ARFRP1: variants seen among roughly 807,000 people sequenced by gnomAD.
ARFRP1 encodes the protein ARF related protein 1.
Under a neutral mutation model 30.3 loss-of-function variants are expected in ARFRP1, and 19 were observed. The observed-to-expected ratio is 0.63, with a 90% confidence interval of 0.44 to 0.92. The LOEUF is 0.92. Ranked by LOEUF, ARFRP1 falls within the 40% of genes least tolerant of loss-of-function variation. ARFRP1 has a pLI of 0.00. For synonymous variants in ARFRP1, 133 were observed against 114.2 expected (o/e 1.16, Z -1.05); for missense variants, 245 against 267.5 (o/e 0.92, Z 0.59).
intron 4 of ARFRP1, chr20:63,703,683 C>T (rs2091318382): frequency 6.6e-6 from 1 of 152,336 alleles, no homozygotes; most frequent in African/African-American, 2.4e-5. Flanking sequence ...AGAGAATCTC[C>T]ACGTGGCTCC....
At chr20:63,704,057 TGA>T (rs2091337235) in intron 4 of ARFRP1, 1 of 152,288 alleles carries the variant, frequency 6.6e-6, no homozygotes, top group Non-Finnish European at 1.5e-5. Context: ...CCAGCCAGCC[TGA>T]GAGACTAGTG....
chr20:63,706,294 C>T (rs926344492), intron 4 of ARFRP1, 63 bp downstream of exon 4: 15 of 1,475,790 alleles, frequency 1.0e-5, no homozygotes, highest in Non-Finnish European at 1.4e-5. Context: ...GCCCAAAGGG[C>T]ACTCTGGAAA....
chr20:63,706,155 C>T, intron 4 of ARFRP1: 1 of 548,916 alleles, frequency 1.8e-6, no homozygotes, highest in Non-Finnish European at 3.3e-6. Flanking sequence ...AACTCCCCTA[C>T]CACCACTTTT....
At position 63,706,698 on chromosome 20, in the gene ARFRP1, T is replaced by G. The variant is rs746051037; in HGVS notation, c.134A>C (p.Tyr45Ser). Residue 45 changes from tyrosine to serine, a missense_variant, in exon 3 of 8, where the codon TAC becomes TCC. Tyr to Ser is a moderately radical substitution (Grantham distance 144). Coordinates refer to ENST00000622789, the MANE Select transcript of ARFRP1 (RefSeq NM_001267547.3). ...GATTTTGGATAGACTCATCCCCTTG[T>G]AGTTCTTGTTAAATCGGGTTTTCGA... Reference protein sequence around the residue: ...EQSKTRFNKNYKGMSLSKITT... With the variant: ...EQSKTRFNKNSKGMSLSKITT... 6.2e-7 allele frequency: 1 copy of G among 1,614,022 alleles called. No individual in the cohort carries two copies. Among genetic ancestry groups the G allele is most frequent in the Non-Finnish European group, 8.5e-7 (1 of 1,179,906 alleles).
At position 63,700,544 on chromosome 20, in the gene ARFRP1, G is replaced by T; in HGVS notation, c.519-14C>A. The T allele has an allele frequency of 6.2e-7, 1 of 1,610,796 alleles. No individual in the cohort carries two copies. ...CGCACCCCTTTGCTGTGAAGACAGC[G>T]GGTGTGAGGCGGGGGGTCTCGGTCC... On this transcript the variant is annotated splice_polypyrimidine_tract_variant and intron_variant, in intron 7 of 7. Coordinates refer to ENST00000622789, the MANE Select transcript of ARFRP1 (RefSeq NM_001267547.3).
rs2091486676 is a variant in ARFRP1 at position 63,706,746 on chromosome 20, G to C, written c.94-8C>G. On this transcript the variant is annotated splice_polypyrimidine_tract_variant and splice_region_variant and intron_variant, in intron 2 of 7. Transcript: ENST00000622789. ...CGACTGCTCCAGGAAGGTCTGAGGA[G>C]AGAGGCAGAGGCGAAACACATCAAG... is the stretch of plus-strand genomic sequence containing the variant. 1.2e-6 allele frequency: 2 copies of C among 1,603,562 alleles called. No individual in the cohort carries two copies. Among genetic ancestry groups the C allele is most frequent in the Non-Finnish European group, 1.7e-6 (2 of 1,170,556 alleles).
intron 6 of ARFRP1, chr20:63,701,358 C>A (rs1347461562): frequency 3.7e-6 from 2 of 537,746 alleles, no homozygotes; most frequent in Admixed American, 3.9e-5. Flanking sequence ...TCAGCGTGGC[C>A]AGTGCTCCCG....
intron 5 of ARFRP1, 100 bp from the exon 6 acceptor site, chr20:63,702,000 C>CCA: frequency 3.3e-5 from 5 of 152,822 alleles, no homozygotes; most frequent in South Asian, 1.3e-4. Flanking sequence ...CTCCCTCTGC[C>CCA]CCCCCCCCCC....
chr20:63,703,863 GC>G (rs2091329921), intron 4 of ARFRP1: 1 of 152,438 alleles, frequency 6.6e-6, no homozygotes, highest in Non-Finnish European at 1.5e-5. Flanking sequence ...AGGACCCAGA[GC>G]CCCACGCCCC....
At chr20:63,703,102 C>G (rs2091290631) in intron 4 of ARFRP1, 1 of 152,324 alleles carries the variant, frequency 6.6e-6, no homozygotes, top group Non-Finnish European at 1.5e-5. Flanking sequence ...GACAACAGCT[C>G]ACATTTGCCA....
At chr20:63,706,152 C>G in intron 4 of ARFRP1, 1 of 543,242 alleles carries the variant, frequency 1.8e-6, no homozygotes, top group East Asian at 3.4e-5. Flanking sequence ...GGAAACTCCC[C>G]TACCACCACT....
At chr20:63,706,206 G>A (rs537135424) in intron 4 of ARFRP1, 151 bp downstream of exon 4, 9 of 733,900 alleles carry the variant, frequency 1.2e-5, no homozygotes, top group Non-Finnish European at 2.1e-5. Context: ...ACAAAACAGG[G>A]AGCCACTCGG....
chr20:63,700,596 A>T lies in ARFRP1; in HGVS notation c.518+6T>A. The stretch of plus-strand genomic sequence containing the variant: ...CAAAGCCCCCGCAGGTGCAGCCCCC[A>T]CTCACCCTGTGAGGGCCGAGCAGGC... On this transcript the variant is annotated splice_donor_region_variant and intron_variant, in intron 7 of 7. Transcript: ENST00000622789. 1 of 1,609,982 alleles carries T rather than the reference A, an allele frequency of 6.2e-7. No homozygotes were observed. Among genetic ancestry groups the T allele is most frequent in the Non-Finnish European group, 8.5e-7 (1 of 1,179,726 alleles).
At position 63,699,450 on chromosome 20, in the gene ARFRP1, C is replaced by G. The variant is rs1568739104; in HGVS notation, c.*993G>C. 1 of 152,584 alleles carries G rather than the reference C, an allele frequency of 6.6e-6. No individual in the cohort carries two copies. The highest frequency in any genetic ancestry group is 1.9e-4 in the East Asian group (1 of 5,222). The allele number at this position is 152,584 out of a possible 1,614,324, so 9.5% of individuals were successfully genotyped here. A position where few individuals can be genotyped will look rare whatever the true frequency, so the allele number is the denominator to read the frequency against. On this transcript the variant is annotated 3_prime_UTR_variant, in exon 8 of 8. Coordinates refer to ENST00000622789, the MANE Select transcript of ARFRP1 (RefSeq NM_001267547.3). ...CCAGCCCCTGAGCAGCCCAGTAACA[C>G]CATCACCGTGTCCAACAGCCAGGAG...
In ARFRP1 at chr20:63,698,697, G is replaced by A. The variant is rs1355808871; in HGVS notation, c.*1746C>T. On this transcript the variant is annotated 3_prime_UTR_variant, in exon 8 of 8. Transcript: ENST00000622789. ...CTTTTTCATAAAACTGGTTGTAGTTGCACAGCTACTGGGAGGGCAGCCGGG... is the reference window on the plus strand; with the variant it reads ...CTTTTTCATAAAACTGGTTGTAGTTACACAGCTACTGGGAGGGCAGCCGGG... 15 of 1,145,700 alleles carry A rather than the reference G, an allele frequency of 1.3e-5. No homozygotes were observed. The East Asian group carries it at 4.8e-4, about 37-fold the overall frequency. The allele number at this position is 1,145,700 out of a possible 1,614,324, so 71.0% of individuals were successfully genotyped here.
Position 63,704,845 on chromosome 20 carries a change from C to G in ARFRP1, c.264+1512G>C, listed in dbSNP as rs561451666. 4.5e-4 allele frequency: 69 copies of G among 152,360 alleles called. 1 individual carries two copies. Among genetic ancestry groups the G allele is most frequent in the African/African-American group, 1.6e-3 (65 of 41,566 alleles). The allele number at this position is 152,360 out of a possible 1,614,324, so 9.4% of individuals were successfully genotyped here. A position where few individuals can be genotyped will look rare whatever the true frequency, so the allele number is the denominator to read the frequency against. On this transcript the variant is annotated intron_variant, in intron 4 of 7. Coordinates refer to ENST00000622789, the MANE Select transcript of ARFRP1 (RefSeq NM_001267547.3). Reference sequence around the variant, plus strand: ...CTTTGGCTGCAAAGAGCCACACTGCCAGGTCACACCTGCCCAGGGCAGCCC... The same window carrying G: ...CTTTGGCTGCAAAGAGCCACACTGCGAGGTCACACCTGCCCAGGGCAGCCC...
At chr20:63,701,945 C>A (rs759048049) in intron 5 of ARFRP1, 45 bp from the exon 6 acceptor site, 1 of 1,537,118 alleles carries the variant, frequency 6.5e-7, no homozygotes. Context: ...AGCATCCTGC[C>A]TCTGACTGCC....
chr20:63,705,542 C>A, intron 4 of ARFRP1: 1 of 457,144 alleles, frequency 2.2e-6, no homozygotes. Context: ...ATGCCCAAAA[C>A]CTGTGTCAAA....
chr20:63,703,299 A>C (rs1370456684), intron 4 of ARFRP1: 1 of 152,274 alleles, frequency 6.6e-6, no homozygotes, highest in Non-Finnish European at 1.5e-5. Flanking sequence ...AGGGAGTACC[A>C]GACAACCCCA....
Sources: allele counts gnomAD v4.1 joint callset, GRCh38; gene constraint gnomAD v4.1.1; transcripts MANE v1.5; gene names NCBI Gene and HGNC (gene_info 2026-07-23, HGNC 2026-07-21).